The following FBXL13 variants were observed in gnomAD, a reference collection of about 807,000 sequenced individuals.
FBXL13 encodes the protein F-box and leucine rich repeat protein 13.
FBXL13 carries 67 observed loss-of-function variants against 83.6 expected under a neutral mutation model. That is an observed-to-expected ratio of 0.80 (90% CI 0.66 to 0.98). FBXL13 has a LOEUF of 0.98. FBXL13 is among the 50% of genes least tolerant of loss of function. The probability of loss-of-function intolerance (pLI) is 0.00; values close to 1 mark genes in which losing one functional copy is unlikely to be tolerated. For missense variants in FBXL13, 822 were observed against 866.5 expected (o/e 0.95, Z 0.64); for synonymous variants, 272 against 299.5 (o/e 0.91, Z 0.95).
intron 11 of FBXL13, among the ~76,000 whole-genome samples, chr7:102,903,939 CTTTTTTTT>C (rs1166655004): frequency 2.3e-5 from 1 of 43,454 alleles, no homozygotes; most frequent in East Asian, 1.3e-3. Context: ...CTTTTCTTTT[CTTTTTTTT>C]TTTTTTTTTT....
At chr7:102,907,637 A>G (rs1399156548) in intron 11 of FBXL13, among the ~76,000 whole-genome samples, 1 of 152,132 alleles carries the variant, frequency 6.6e-6, no homozygotes, top group Admixed American at 6.5e-5. Context: ...ATGTCCCTAC[A>G]AAGGACATGA....
In FBXL13 at chr7:102,961,677, C is replaced by T. The variant is rs1389045767; in HGVS notation, c.724+1856G>A. 2.5e-4 allele frequency among the ~76,000 whole-genome samples: 38 copies of T among 150,946 alleles called. No individual in the cohort carries two copies. The Middle Eastern group carries it at 0.01, about 41-fold the overall frequency. On this transcript the variant is annotated intron_variant, in intron 8 of 19. Coordinates refer to ENST00000313221, the Ensembl canonical transcript of FBXL13. ...AACAGAACAGAGCCCTCAGAAATAA[C>T]GCTGCATATCTACAACTATCTGATC...
At chr7:102,891,194 C>T (rs1420579110) in intron 11 of FBXL13, among the ~76,000 whole-genome samples, 3 of 152,160 alleles carry the variant, frequency 2.0e-5, no homozygotes, top group African/African-American at 4.8e-5. Context: ...TTGTCTTTCT[C>T]GAGGTCCTGC....
chr7:103,026,387 CA>C (rs1228856994), intron 5 of FBXL13, among the ~76,000 whole-genome samples: 5 of 152,098 alleles, frequency 3.3e-5, no homozygotes, highest in Non-Finnish European at 7.4e-5. Context: ...CACTATTAGA[CA>C]ATCAGTGATC....
chr7:103,060,348 C>T (rs550810389), intron 1 of FBXL13, among the ~76,000 whole-genome samples: 87 of 152,124 alleles, frequency 5.7e-4, no homozygotes, highest in Non-Finnish European at 1.0e-3. Flanking sequence ...AGCCACTGTG[C>T]CTGGTCCATC....
chr7:102,975,042 C>T (rs1203342970), intron 6 of FBXL13, among the ~76,000 whole-genome samples: 1 of 152,152 alleles, frequency 6.6e-6, no homozygotes, highest in Non-Finnish European at 1.5e-5. Flanking sequence ...ACTTAACCCT[C>T]CTTCCCCCTT....
intron 8 of FBXL13, chr7:102,939,620 C>G: frequency 6.4e-7 from 1 of 1,557,920 alleles, no homozygotes; most frequent in Admixed American, 2.0e-5. Flanking sequence ...CAATGGGTGG[C>G]AAGTGTTCTG....
chr7:102,963,675 A>G lies in FBXL13; in HGVS notation c.592-10T>C, dbSNP rs1380123702. 1 of 1,587,466 alleles carries G rather than the reference A, an allele frequency of 6.3e-7. No homozygotes were observed. The highest frequency in any genetic ancestry group is 1.9e-5 in the Admixed American group (1 of 51,884). ...CTGAGGAAAAATCAATCTAAAAAGA[A>G]TAAACAAAATGCATTAAGAAATGAG... On this transcript the variant is annotated splice_polypyrimidine_tract_variant and intron_variant, in intron 7 of 19. Transcript: ENST00000313221.
intron 6 of FBXL13, among the ~76,000 whole-genome samples, chr7:103,014,174 T>C (rs149777514): frequency 8.9e-4 from 136 of 152,194 alleles, no homozygotes; most frequent in African/African-American, 3.1e-3. Flanking sequence ...AGGCCAGGCA[T>C]AGTGGCCTTT....
intron 11 of FBXL13, among the ~76,000 whole-genome samples, chr7:102,904,521 T>C (rs1409321110): frequency 6.6e-6 from 1 of 152,086 alleles, no homozygotes; most frequent in African/African-American, 2.4e-5. Flanking sequence ...CAACTTTGTT[T>C]AACTTTTCAA....
intron 8 of FBXL13, among the ~76,000 whole-genome samples, chr7:102,958,495 T>C (rs924760263): frequency 2.8e-4 from 42 of 150,068 alleles, no homozygotes; most frequent in Non-Finnish European, 5.9e-5. Context: ...GTAACAAACC[T>C]GCATGTTGTG....
intron 19 of FBXL13, among the ~76,000 whole-genome samples, chr7:102,820,624 TA>T (rs1798670797): frequency 6.6e-6 from 1 of 152,200 alleles, no homozygotes; most frequent in African/African-American, 2.4e-5. Flanking sequence ...TGTGTTGCCA[TA>T]ACAGACTACT....
intron 1 of FBXL13, among the ~76,000 whole-genome samples, chr7:103,067,109 A>T (rs935453422): frequency 4.6e-5 from 7 of 152,088 alleles, no homozygotes; most frequent in Non-Finnish European, 8.8e-5. Flanking sequence ...GAAACTGAAA[A>T]TACTAGGAAA....
chr7:102,931,849 A>G (rs763006370), intron 9 of FBXL13, 32 bp downstream of exon 10: 2 of 1,604,280 alleles, frequency 1.2e-6, no homozygotes, highest in Non-Finnish European at 8.5e-7. Flanking sequence ...CAATCTATAT[A>G]AACAGCAGTA....
intron 14 of FBXL13, among the ~76,000 whole-genome samples, chr7:102,882,487 T>TTGTATTCCCA (rs1456632535): frequency 6.6e-6 from 1 of 151,410 alleles, no homozygotes; most frequent in Non-Finnish European, 1.5e-5. Flanking sequence ...CTTGGCCGGG[T>TTGTATTCCCA]GCAGAGGCTC....
intron 2 of FBXL13, among the ~76,000 whole-genome samples, chr7:103,037,500 T>C (rs1795187763): frequency 6.6e-6 from 1 of 152,198 alleles, no homozygotes; most frequent in African/African-American, 2.4e-5. Flanking sequence ...TTTTAAAATA[T>C]TTTGTATTTT....
chr7:102,968,158 C>T, intron 6 of FBXL13, 41 bp from the exon 8 acceptor site: 1 of 1,394,746 alleles, frequency 7.2e-7, no homozygotes. Flanking sequence ...AAAATGTGAA[C>T]TTTGATGTAA....
intron 1 of FBXL13, among the ~76,000 whole-genome samples, chr7:103,065,006 A>G (rs1798257279): frequency 6.6e-6 from 1 of 152,212 alleles, no homozygotes; most frequent in Admixed American, 6.5e-5. Flanking sequence ...CCAAAATTTC[A>G]AATTTTTAAG....
intron 1 of FBXL13, among the ~76,000 whole-genome samples, chr7:103,067,073 T>C (rs1216868212): frequency 1.3e-5 from 2 of 152,076 alleles, no homozygotes; most frequent in African/African-American, 4.8e-5. Context: ...GTCTACTCTT[T>C]CACTGTGGGT....
Sources: gnomAD v4.1 joint callset for allele counts (sites outside exome capture counted in the v4.1 genomes callset) on GRCh38, gnomAD v4.1.1 for gene constraint, MANE v1.5 for transcripts, NCBI Gene and HGNC (gene_info 2026-07-23, HGNC 2026-07-21) for gene names.